The following RASSF3 variants were observed in gnomAD, a reference collection of about 807,000 sequenced individuals.
RASSF3 encodes Ras association domain family member 3.
Under a neutral mutation model 19.9 loss-of-function variants are expected in RASSF3, and 19 were observed. The observed-to-expected ratio is 0.96, with a 90% CI of 0.67 to 1.40. RASSF3 has a LOEUF of 1.40. Ranked by LOEUF, RASSF3 falls within the 40% of genes most tolerant of loss-of-function variation. RASSF3 has a pLI of 0.00. For synonymous variants in RASSF3, 110 were observed against 104.2 expected, an observed-to-expected ratio of 1.06 and a Z score of -0.34; for missense variants, 306 against 289.8, an observed-to-expected ratio of 1.06 and a Z score of -0.41.
intron 1 of RASSF3, among the ~76,000 whole-genome samples, chr12:64,648,639 C>T (rs568154256): frequency 1.3e-3 from 192 of 151,578 alleles, no homozygotes; most frequent in Non-Finnish European, 2.1e-3. Context: ...TGCGCCACAA[C>T]ACCCAGCTAA....
At chr12:64,543,726 TG>T (rs1443650975), downstream of RASSF3, among the ~76,000 whole-genome samples, 1 of 151,184 alleles carries the variant, frequency 6.6e-6, no homozygotes, top group Non-Finnish European at 1.5e-5. Flanking sequence ...CTGAGTCTAG[TG>T]AGGACTTGGA....
chr12:64,523,546 T>C (rs566627736), intron 1 of RASSF3, among the ~76,000 whole-genome samples: 16 of 152,314 alleles, frequency 1.1e-4, no homozygotes, highest in South Asian at 6.2e-4. Flanking sequence ...GAGCTCTCTG[T>C]GAAGACCAGC....
chr12:64,688,435 T>C lies in RASSF3; in HGVS notation c.439T>C (p.Cys147Arg). ...SPAKFALYKR[C>R]HREDQVYACK... ...TGCCAAGTTTGCACTTTATAAGCGT[T>C]GTCACAGGGAAGACCAAGGTACGCT... Residue 147 changes from cysteine to arginine, a missense_variant, in exon 3 of 5, where the codon TGT becomes CGT. Physicochemically the swap from Cys to Arg is radical, Grantham distance 180. Coordinates refer to ENST00000542104, the MANE Select transcript of RASSF3 (RefSeq NM_178169.4). 6.2e-7 allele frequency: 1 copy of C among 1,613,714 alleles called. No individual in the cohort carries two copies. Among genetic ancestry groups the C allele is most frequent in the African/African-American group, 1.3e-5 (1 of 75,040 alleles).
upstream of RASSF3, among the ~76,000 whole-genome samples, chr12:64,607,528 C>T (rs1028146851): frequency 6.6e-6 from 1 of 151,922 alleles, no homozygotes; most frequent in Non-Finnish European, 1.5e-5. Flanking sequence ...TGCCATCATG[C>T]CCAGCTAATT....
At chr12:64,665,936 A>G (rs917071760) in intron 1 of RASSF3, among the ~76,000 whole-genome samples, 3 of 152,224 alleles carry the variant, frequency 2.0e-5, no homozygotes, top group Non-Finnish European at 2.9e-5. Flanking sequence ...CCAGCCAGAT[A>G]TAGTGAAGTG....
At chr12:64,622,907 A>G (rs1044924086) in intron 1 of RASSF3, among the ~76,000 whole-genome samples, 1 of 151,176 alleles carries the variant, frequency 6.6e-6, no homozygotes, top group African/African-American at 2.4e-5. Flanking sequence ...TGCAACCTCC[A>G]TCTCCTGAGT....
At chr12:64,618,199 C>G (rs941926221) in intron 1 of RASSF3, among the ~76,000 whole-genome samples, 6 of 152,206 alleles carry the variant, frequency 3.9e-5, no homozygotes, top group South Asian at 4.1e-4. Flanking sequence ...CCTATAGCCT[C>G]GAACTCCTGG....
chr12:64,636,948 A>G (rs1871347810), intron 1 of RASSF3, among the ~76,000 whole-genome samples: 2 of 151,898 alleles, frequency 1.3e-5, no homozygotes, highest in African/African-American at 4.8e-5. Context: ...ATTATTGAGT[A>G]TGGACAATGC....
chr12:64,662,726 G>A (rs1034216851), intron 1 of RASSF3, among the ~76,000 whole-genome samples: 4 of 152,122 alleles, frequency 2.6e-5, no homozygotes, highest in Admixed American at 6.6e-5. Context: ...TCTTGTTTCC[G>A]TGTGAAATGT....
At chr12:64,654,276 TCCTGAGTAGCTGGGATTA>T (rs1872068372) in intron 1 of RASSF3, 2 of 152,142 alleles carry the variant, frequency 1.3e-5, no homozygotes. Flanking sequence ...TGCCTCAGCC[TCCTGAGTAGCTGGGATTA>T]CAGGCATGCA....
chr12:64,684,013 A>AGTGT (rs10598381), intron 1 of RASSF3, among the ~76,000 whole-genome samples: 20,409 of 138,254 alleles, frequency 0.15, 1,655 homozygotes, highest in South Asian at 0.33. Context: ...AGAGAGAGTG[A>AGTGT]GTGTGTGTGT....
intron 1 of RASSF3, among the ~76,000 whole-genome samples, chr12:64,670,121 G>A (rs572619405): frequency 6.6e-6 from 1 of 151,714 alleles, no homozygotes; most frequent in East Asian, 2.0e-4. Context: ...GCTCTATCTA[G>A]CAGCTTCCAC....
At chr12:64,641,892 GC>G (rs1331607652) in intron 1 of RASSF3, among the ~76,000 whole-genome samples, 1 of 148,462 alleles carries the variant, frequency 6.7e-6, no homozygotes, top group Non-Finnish European at 1.5e-5. Flanking sequence ...ACAGGCATGT[GC>G]CACCACGCCC....
At chr12:64,610,293 C>G (rs1157530973), upstream of RASSF3, among the ~76,000 whole-genome samples, 2 of 151,614 alleles carry the variant, frequency 1.3e-5, no homozygotes, top group Non-Finnish European at 2.9e-5. Flanking sequence ...GCGACGCTGT[C>G]GGGAGAAACC....
rs185950522 is a variant in RASSF3, at chr12:64,641,070, C to T, written c.111+30327C>T. ...GATATACTTATTTAACGTCAATCAT[C>T]GTTTGGATCGTTTCCATGTGACTTA... is the stretch of plus-strand genomic sequence containing the variant. On this transcript the variant is annotated intron_variant, in intron 1 of 4. Transcript: ENST00000542104. Among the ~76,000 whole-genome samples the T allele has an allele frequency of 4.3e-3, 659 of 152,146 alleles. 7 individuals carry two copies. The highest frequency in any genetic ancestry group is 0.015 in the African/African-American group (639 of 41,488).
At chr12:64,520,066 A>T (rs965438793) in intron 1 of RASSF3, among the ~76,000 whole-genome samples, 21 of 152,030 alleles carry the variant, frequency 1.4e-4, no homozygotes, top group Admixed American at 6.6e-4. Context: ...GTTGATAGAG[A>T]TCATGCATTT....
chr12:64,542,107 C>A (rs1359083615), downstream of RASSF3, among the ~76,000 whole-genome samples: 1 of 151,728 alleles, frequency 6.6e-6, no homozygotes, highest in Non-Finnish European at 1.5e-5. Context: ...CTGAGACCAA[C>A]CTGGGCAACA....
At chr12:64,658,749 T>C (rs2136196316) in intron 1 of RASSF3, among the ~76,000 whole-genome samples, 1 of 152,090 alleles carries the variant, frequency 6.6e-6, no homozygotes, top group African/African-American at 2.4e-5. Flanking sequence ...TGCAGTGAAC[T>C]GAAAGTGAAA....
At chr12:64,604,762 C>G (rs1208460365) in intron 2 of RASSF3, among the ~76,000 whole-genome samples, 2 of 149,596 alleles carry the variant, frequency 1.3e-5, no homozygotes, top group Non-Finnish European at 3.0e-5. Flanking sequence ...CTCAGCCTCC[C>G]GAGTAGCTGG....
Sources: allele counts gnomAD v4.1 joint callset (sites outside exome capture counted in the v4.1 genomes callset), GRCh38; gene constraint gnomAD v4.1.1; transcripts MANE v1.5; gene names NCBI Gene and HGNC (gene_info 2026-07-23, HGNC 2026-07-21).